Variants in ALK observed in about 807,000 individuals in gnomAD.
The protein encoded by ALK is ALK receptor tyrosine kinase.
A neutral mutation model predicts 163.1 loss-of-function variants in ALK; 74 were observed. The observed-to-expected ratio is 0.45, with a 90% confidence interval of 0.38 to 0.55. ALK has a LOEUF of 0.55. Among genes scored for constraint, ALK ranks in the 20% least tolerant of loss-of-function variants. ALK has a pLI of 0.00. For synonymous variants in ALK, 960 were observed against 843.2 expected (o/e 1.14, Z -2.40); for missense variants, 2,063 against 2,105.3 (o/e 0.98, Z 0.39).
At chr2:29,912,658 G>C (rs1419176122) in intron 1 of ALK, among the ~76,000 whole-genome samples, 5 of 151,748 alleles carry the variant, frequency 3.3e-5, no homozygotes, top group African/African-American at 1.2e-4. Context: ...CTATTTAAAA[G>C]TTATTTAAAA....
In ALK at chr2:29,920,246, G is replaced by C. The variant is rs1483565631; in HGVS notation, c.414C>G (p.Ala138=). 1.2e-6 allele frequency: 2 copies of C among 1,609,062 alleles called. No homozygotes were observed. The highest frequency in any genetic ancestry group is 1.7e-5 in the Admixed American group (1 of 59,428). The change falls in exon 1 of 29, where the codon GCC becomes GCG. Residue 138 remains alanine (A), a synonymous_variant. Transcript: ENST00000389048. Reference sequence around the variant, plus strand: ...CGCCCAGCTCCAGCACCAACTGCTTGGCACGCCGGAGCTTGCGCACGGAGC... The same window carrying C: ...CGCCCAGCTCCAGCACCAACTGCTTCGCACGCCGGAGCTTGCGCACGGAGC... ...KGGSVRKLRR[A]KQLVLELGEE... is the part of the protein sequence containing the mutation.
chr2:29,251,220 T>G lies in ALK; in HGVS notation c.2089A>C (p.Thr697Pro), dbSNP rs1199322209. Residue 697 changes from threonine (T) to proline (P), a missense_variant, in exon 12 of 29, where the codon ACC becomes CCC. This residue lies in a region of ALK where 987 missense variants were observed against 939.5 expected (regional missense o/e 1.05). Coordinates refer to ENST00000389048, the MANE Select transcript of ALK (RefSeq NM_004304.5). Reference sequence around the variant, plus strand: ...TAGGCGTTGTTGCACTGTGCCTGGGTGGGGCCATGGGGCCCGCTGGCCCCA... The same window carrying G: ...TAGGCGTTGTTGCACTGTGCCTGGGGGGGGCCATGGGGCCCGCTGGCCCCA... ...TCGASGPHGP[T>P]QAQCNNAYQN... is the part of the protein sequence containing the mutation. 6.2e-7 allele frequency: 1 copy of G among 1,614,024 alleles called. No homozygotes were observed. Among genetic ancestry groups the G allele is most frequent in the South Asian group, 1.1e-5 (1 of 91,054 alleles).
chr2:29,414,991 A>C (rs541905122), intron 4 of ALK, among the ~76,000 whole-genome samples: 3 of 152,036 alleles, frequency 2.0e-5, no homozygotes, highest in East Asian at 3.9e-4. Context: ...AGGAGCATAC[A>C]AATGCATGCA....
At chr2:29,710,344 G>A (rs964974187) in intron 2 of ALK, among the ~76,000 whole-genome samples, 3 of 152,070 alleles carry the variant, frequency 2.0e-5, no homozygotes, top group African/African-American at 7.2e-5. Context: ...GACTAACACA[G>A]GTGACTATAC....
rs1227238002 is a variant in ALK, at chr2:29,921,489, G to A, written c.-830C>T. ...TTGGGTGGCCGACCAGAGGGCGGCCGGAAAGCACCTCGGTGCCCCGCGACC... is the reference window on the plus strand; with the variant it reads ...TTGGGTGGCCGACCAGAGGGCGGCCAGAAAGCACCTCGGTGCCCCGCGACC... On this transcript the variant is annotated 5_prime_UTR_variant, in exon 1 of 29. Coordinates refer to ENST00000389048, the MANE Select transcript of ALK (RefSeq NM_004304.5). 11 of 231,928 alleles carry A rather than the reference G, an allele frequency of 4.7e-5. No individual in the cohort carries two copies. Among genetic ancestry groups the A allele is most frequent in the Non-Finnish European group, 9.4e-5 (11 of 117,188 alleles). The allele number at this position is 231,928 out of a possible 1,614,324, so 14.4% of individuals were successfully genotyped here. A position where few individuals can be genotyped will look rare whatever the true frequency, so the allele number is the denominator to read the frequency against.
At chr2:29,805,245 G>A (rs1340930190) in intron 1 of ALK, among the ~76,000 whole-genome samples, 1 of 152,172 alleles carries the variant, frequency 6.6e-6, no homozygotes, top group East Asian at 1.9e-4. Flanking sequence ...AGGGCTACAG[G>A]ATAGAAGCAC....
At position 29,223,443 on chromosome 2, in the gene ALK, C is replaced by T. The variant is rs373589068; in HGVS notation, c.3258G>A (p.Ser1086=). The T allele has an allele frequency of 8.1e-6, 13 of 1,614,160 alleles. No individual in the cohort carries two copies. The highest frequency in any genetic ancestry group is 2.7e-5 in the African/African-American group (2 of 75,044). The change falls in exon 20 of 29, where the codon TCG becomes TCA. Residue 1086 remains serine (S), a synonymous_variant. Coordinates refer to ENST00000389048, the MANE Select transcript of ALK (RefSeq NM_004304.5). ...PEYKLSKLRT[S]TIMTDYNPNY... Reference sequence around the variant, plus strand: ...TGGGGTTGTAGTCGGTCATGATGGTCGAGGTGCGGAGCTTGCTCAGCTTGT... The same window carrying T: ...TGGGGTTGTAGTCGGTCATGATGGTTGAGGTGCGGAGCTTGCTCAGCTTGT...
At chr2:29,534,309 C>T (rs1402861414) in intron 3 of ALK, among the ~76,000 whole-genome samples, 1 of 152,142 alleles carries the variant, frequency 6.6e-6, no homozygotes, top group Non-Finnish European at 1.5e-5. Flanking sequence ...AATGCAAATT[C>T]GAAGTGTTTG....
rs538098711 is a variant in ALK, at chr2:29,832,524, C to T, written c.667+87469G>A. Reference sequence around the variant, plus strand: ...AGTGTGTGTGCACACTAGGGCTACACGAATGCCCTACATTTCTGTCATGCC... The same window carrying T: ...AGTGTGTGTGCACACTAGGGCTACATGAATGCCCTACATTTCTGTCATGCC... On this transcript the variant is annotated intron_variant, in intron 1 of 28. Coordinates refer to ENST00000389048, the MANE Select transcript of ALK (RefSeq NM_004304.5). Among the ~76,000 whole-genome samples the T allele has an allele frequency of 4.7e-4, 72 of 152,344 alleles. 1 individual carries two copies. Among genetic ancestry groups the T allele is most frequent in the African/African-American group, 1.6e-3 (67 of 41,574 alleles).
At chr2:29,464,285 T>G (rs1369381116) in intron 4 of ALK, among the ~76,000 whole-genome samples, 1 of 152,188 alleles carries the variant, frequency 6.6e-6, no homozygotes, top group Non-Finnish European at 1.5e-5. Flanking sequence ...AACAGCTTAT[T>G]ATAAACCTTA....
At chr2:29,851,831 C>T (rs1320186536) in intron 1 of ALK, among the ~76,000 whole-genome samples, 1 of 152,210 alleles carries the variant, frequency 6.6e-6, no homozygotes, top group Non-Finnish European at 1.5e-5. Flanking sequence ...GTCTCTTTTG[C>T]TGCTTAAAAC....
intron 1 of ALK, among the ~76,000 whole-genome samples, chr2:29,773,254 A>G (rs1035450541): frequency 6.6e-6 from 1 of 151,672 alleles, no homozygotes; most frequent in Non-Finnish European, 1.5e-5. Flanking sequence ...ACACACACAC[A>G]TTTTTTTCTT....
intron 1 of ALK, among the ~76,000 whole-genome samples, chr2:29,785,710 G>A (rs1479501591): frequency 6.6e-6 from 1 of 152,046 alleles, no homozygotes; most frequent in Non-Finnish European, 1.5e-5. Flanking sequence ...ATCCTGCAGT[G>A]GGAAAATTAA....
intron 3 of ALK, among the ~76,000 whole-genome samples, chr2:29,571,249 A>T (rs1216525014): frequency 6.6e-6 from 1 of 152,196 alleles, no homozygotes; most frequent in East Asian, 1.9e-4. Flanking sequence ...AGCCACACAC[A>T]GAGGTAGTTT....
intron 3 of ALK, among the ~76,000 whole-genome samples, chr2:29,614,927 G>A (rs1558408996): frequency 6.6e-6 from 1 of 152,092 alleles, no homozygotes; most frequent in Non-Finnish European, 1.5e-5. Flanking sequence ...GCAGTCATCC[G>A]GAATAAACTC....
At chr2:29,357,120 T>C (rs1668269032) in intron 5 of ALK, among the ~76,000 whole-genome samples, 1 of 152,234 alleles carries the variant, frequency 6.6e-6, no homozygotes, top group Non-Finnish European at 1.5e-5. Flanking sequence ...CTCTGAGTTT[T>C]AGGTTCTCTG....
intron 1 of ALK, among the ~76,000 whole-genome samples, chr2:29,894,952 A>G (rs906049433): frequency 3.3e-5 from 5 of 152,138 alleles, no homozygotes; most frequent in African/African-American, 1.2e-4. Context: ...TTTAACAATC[A>G]ATGGGAACCA....
At chr2:29,393,168 G>T (rs1352234137) in intron 4 of ALK, among the ~76,000 whole-genome samples, 2 of 152,140 alleles carry the variant, frequency 1.3e-5, no homozygotes, top group Admixed American at 1.3e-4. Flanking sequence ...TGCTTATTCT[G>T]TCAGACTCGG....
intron 1 of ALK, among the ~76,000 whole-genome samples, chr2:29,760,462 A>G (rs974546579): frequency 6.6e-6 from 1 of 152,214 alleles, no homozygotes; most frequent in African/African-American, 2.4e-5. Flanking sequence ...GATACATAGT[A>G]AGTGCTTGAT....
Sources: gnomAD v4.1 joint callset for allele counts (sites outside exome capture counted in the v4.1 genomes callset) on GRCh38, gnomAD v4.1.1 for gene constraint, gnomAD v4.1.1 regional missense constraint, MANE v1.5 for transcripts, NCBI Gene and HGNC (gene_info 2026-07-23, HGNC 2026-07-21) for gene names.